DLC1: variants seen among roughly 807,000 people sequenced by gnomAD.
DLC1 encodes DLC1 Rho GTPase activating protein.
A neutral mutation model predicts 140.3 loss-of-function variants in DLC1; 54 were observed. The observed-to-expected ratio is 0.38, with a 90% CI of 0.31 to 0.48. The LOEUF (loss-of-function observed/expected upper bound fraction) is 0.48. DLC1 is among the 20% of genes least tolerant of loss of function. DLC1 has a pLI of 0.96. For synonymous variants in DLC1, 986 were observed against 728.1 expected (o/e 1.35, Z -5.70); for missense variants, 2,536 against 1,907.0 (o/e 1.33, Z -6.14).
chr8:13,246,453 T>C (rs11787237), intron 5 of DLC1, among the ~76,000 whole-genome samples: 8,374 of 152,230 alleles, frequency 0.055, 284 homozygotes, highest in Non-Finnish European at 0.082. Context: ...GTGGTTTTCT[T>C]TTTTCTGCGT....
intron 5 of DLC1, among the ~76,000 whole-genome samples, chr8:13,295,671 A>G (rs1831915725): frequency 6.6e-6 from 1 of 152,206 alleles, no homozygotes; most frequent in South Asian, 2.1e-4. Context: ...CTTCAAGCCA[A>G]TGGAGGGTCA....
intron 2 of DLC1, among the ~76,000 whole-genome samples, chr8:13,465,658 A>G (rs938349151): frequency 6.6e-6 from 1 of 151,988 alleles, no homozygotes; most frequent in Non-Finnish European, 1.5e-5. Context: ...AAATGTTGCT[A>G]ATTTCTACTG....
At chr8:13,173,254 C>G (rs1310852035) in intron 5 of DLC1, among the ~76,000 whole-genome samples, 2 of 151,800 alleles carry the variant, frequency 1.3e-5, no homozygotes, top group South Asian at 4.2e-4. Flanking sequence ...TCAGAGCTCG[C>G]GTGGGGTGGG....
In DLC1 at chr8:13,500,059, T is replaced by G. The variant is rs751273748; in HGVS notation, c.13A>C (p.Ile5Leu). 1 of 1,613,630 alleles carries G rather than the reference T, an allele frequency of 6.2e-7. No individual in the cohort carries two copies. ...TGTTCTTCCCAGCTTCTCTTTCTGA[T>G]AGCTACAGACATGTCATCGTAGTTT... The part of the protein sequence containing the change: MSVA[I>L]RKRSWEEHVT... The change falls in exon 2 of 18, where the codon ATC becomes CTC. Residue 5 changes from isoleucine to leucine, a missense_variant. Physicochemically the swap from Ile to Leu is conservative, Grantham distance 5. Coordinates refer to ENST00000276297, the MANE Select transcript of DLC1 (RefSeq NM_182643.3).
At chr8:13,370,202 T>C (rs1269422930) in intron 4 of DLC1, among the ~76,000 whole-genome samples, 1 of 152,094 alleles carries the variant, frequency 6.6e-6, no homozygotes, top group Non-Finnish European at 1.5e-5. Flanking sequence ...ATATCATTAG[T>C]AAAGGCAATG....
At chr8:13,579,333 A>ATTTTTTTTT (rs1804967318) in intron 1 of DLC1, among the ~76,000 whole-genome samples, 2 of 17,400 alleles carry the variant, frequency 1.1e-4, no homozygotes, top group African/African-American at 4.0e-4. Context: ...ATATATATAT[A>ATTTTTTTTT]TATATATATA....
intron 10 of DLC1, 68 bp from the exon 11 acceptor site, chr8:13,095,313 A>G (rs1818420553): frequency 6.3e-7 from 1 of 1,593,986 alleles, no homozygotes; most frequent in South Asian, 1.1e-5. Context: ...CACTTGTCCA[A>G]TTCTGCAGGC....
intron 2 of DLC1, among the ~76,000 whole-genome samples, chr8:13,446,209 C>T (rs890977162): frequency 6.6e-6 from 1 of 152,108 alleles, no homozygotes; most frequent in Non-Finnish European, 1.5e-5. Flanking sequence ...TCATCAGGCT[C>T]TTATGGTATC....
At chr8:13,219,875 C>G (rs1413142731) in intron 5 of DLC1, among the ~76,000 whole-genome samples, 2 of 152,106 alleles carry the variant, frequency 1.3e-5, no homozygotes, top group African/African-American at 2.4e-5. Flanking sequence ...ATGCTACACA[C>G]ATGGATGAAT....
At chr8:13,242,159 T>G (rs1829570220) in intron 5 of DLC1, among the ~76,000 whole-genome samples, 1 of 152,152 alleles carries the variant, frequency 6.6e-6, no homozygotes, top group South Asian at 2.1e-4. Context: ...ATAAACAGGT[T>G]GTTCATCTTG....
chr8:13,456,851 G>A (rs981770397), intron 2 of DLC1, among the ~76,000 whole-genome samples: 5 of 152,128 alleles, frequency 3.3e-5, no homozygotes, highest in African/African-American at 1.2e-4. Context: ...TGTGATTATA[G>A]TACTCTTTCC....
At chr8:13,280,660 C>A (rs1410115152) in intron 5 of DLC1, among the ~76,000 whole-genome samples, 1 of 152,116 alleles carries the variant, frequency 6.6e-6, no homozygotes, top group East Asian at 1.9e-4. Context: ...GAGACCTCTT[C>A]TTTTCCAAGC....
At chr8:13,244,715 G>A (rs542367230) in intron 5 of DLC1, among the ~76,000 whole-genome samples, 2 of 152,126 alleles carry the variant, frequency 1.3e-5, no homozygotes, top group East Asian at 1.9e-4. Context: ...TTCATCTGAT[G>A]GACTCTCACC....
intron 5 of DLC1, among the ~76,000 whole-genome samples, chr8:13,154,235 G>C (rs1824069874): frequency 6.6e-6 from 1 of 152,240 alleles, no homozygotes; most frequent in African/African-American, 2.4e-5. Flanking sequence ...CCCTCGGGTG[G>C]TCACCATGGA....
At chr8:13,395,741 G>A (rs1193142710) in intron 3 of DLC1, among the ~76,000 whole-genome samples, 1 of 137,708 alleles carries the variant, frequency 7.3e-6, no homozygotes, top group East Asian at 2.3e-4. Flanking sequence ...CTCTTTAAAT[G>A]TATGTGCATG....
intron 7 of DLC1, among the ~76,000 whole-genome samples, chr8:13,105,977 A>T (rs2128942529): frequency 6.6e-6 from 1 of 152,302 alleles, no homozygotes; most frequent in South Asian, 2.1e-4. Context: ...TGCTGGGCGT[A>T]ACCCATCCGT....
chr8:13,465,459 A>C (rs1262951602), intron 2 of DLC1, among the ~76,000 whole-genome samples: 1 of 152,174 alleles, frequency 6.6e-6, no homozygotes, highest in East Asian at 1.9e-4. Context: ...ATGGTACGTC[A>C]CTATGACTTT....
intron 5 of DLC1, among the ~76,000 whole-genome samples, chr8:13,252,207 C>A (rs1311920570): frequency 6.6e-6 from 1 of 152,112 alleles, no homozygotes; most frequent in Non-Finnish European, 1.5e-5. Flanking sequence ...CTTATAAAAT[C>A]TATGGGTGTC....
intron 5 of DLC1, among the ~76,000 whole-genome samples, chr8:13,233,105 G>T (rs1316857166): frequency 6.6e-6 from 1 of 151,862 alleles, no homozygotes; most frequent in East Asian, 1.9e-4. Context: ...GACCAGCCTG[G>T]CCAACATGGC....
Sources: gnomAD v4.1 joint callset for allele counts (sites outside exome capture counted in the v4.1 genomes callset) on GRCh38, gnomAD v4.1.1 for gene constraint, MANE v1.5 for transcripts, NCBI Gene and HGNC (gene_info 2026-07-23, HGNC 2026-07-21) for gene names.